Variants in SRPK2 observed in about 807,000 individuals in gnomAD.
The protein encoded by SRPK2 is SRSF protein kinase 2, also known as SFRS protein kinase 2.
A neutral mutation model predicts 90.8 loss-of-function variants in SRPK2; 21 were observed. That is an observed-to-expected ratio of 0.23 (90% confidence interval 0.16 to 0.33). SRPK2 has a LOEUF of 0.33. SRPK2 is among the 10% of genes least tolerant of loss of function. The pLI, the probability that SRPK2 is intolerant of heterozygous loss-of-function variation, is 1.00. For synonymous variants in SRPK2, 288 were observed against 311.1 expected, an observed-to-expected ratio of 0.93 and a Z score of 0.78; for missense variants, 620 against 869.0, an observed-to-expected ratio of 0.71 and a Z score of 3.60.
Position 105,333,751 on chromosome 7 carries a change from C to T in SRPK2, c.71+54897G>A, listed in dbSNP as rs146055916. On this transcript the variant is annotated intron_variant, in intron 2 of 15. Transcript: ENST00000393651. ...TGAGCTTTTGGAAAATGTTTATAAA[C>T]AGTATCATGCTTTATGTACCATTTA... is the stretch of plus-strand genomic sequence containing the variant. Among the ~76,000 whole-genome samples the T allele has an allele frequency of 4.3e-3, 659 of 152,216 alleles. 5 individuals carry two copies. Among genetic ancestry groups the T allele is most frequent in the African/African-American group, 0.015 (628 of 41,536 alleles).
rs1169339892 is a variant in SRPK2, at chr7:105,281,114, G to C, written c.72-77329C>G. Among the ~76,000 whole-genome samples, 4 of 148,724 alleles carry C rather than the reference G, an allele frequency of 2.7e-5. 1 individual carries two copies. Among genetic ancestry groups the C allele is most frequent in the East Asian group, 2.0e-4 (1 of 4,990 alleles). On this transcript the variant is annotated intron_variant, in intron 2 of 15. Transcript: ENST00000393651. Reference sequence around the variant, plus strand: ...GTTTGGTTTTTCCCCCGCTTTTTCTGAGACAGGAGTCTCTCTAGGTCGCCC... The same window carrying C: ...GTTTGGTTTTTCCCCCGCTTTTTCTCAGACAGGAGTCTCTCTAGGTCGCCC...
At chr7:105,180,303 C>G (rs910296734) in intron 3 of SRPK2, among the ~76,000 whole-genome samples, 2 of 152,136 alleles carry the variant, frequency 1.3e-5, no homozygotes, top group Non-Finnish European at 2.9e-5. Context: ...TTTGACAAAG[C>G]TGACAGAAAC....
intron 2 of SRPK2, among the ~76,000 whole-genome samples, chr7:105,316,165 C>G (rs996559960): frequency 1.9e-4 from 29 of 151,910 alleles, no homozygotes; most frequent in African/African-American, 7.0e-4. Flanking sequence ...GCTGGGATTA[C>G]GGGCACCCGC....
intron 2 of SRPK2, among the ~76,000 whole-genome samples, chr7:105,333,959 G>C (rs1176781440): frequency 6.6e-6 from 1 of 152,136 alleles, no homozygotes; most frequent in Non-Finnish European, 1.5e-5. Flanking sequence ...TTTCGCTCTT[G>C]TTGCCCAGGC....
At chr7:105,153,512 G>C (rs114077253) in intron 7 of SRPK2, among the ~76,000 whole-genome samples, 1 of 152,040 alleles carries the variant, frequency 6.6e-6, no homozygotes, top group African/African-American at 2.4e-5. Context: ...TAGATAAGTC[G>C]GGGAACAGTC....
At chr7:105,319,420 A>G (rs1034398179) in intron 2 of SRPK2, among the ~76,000 whole-genome samples, 5 of 147,270 alleles carry the variant, frequency 3.4e-5, no homozygotes, top group African/African-American at 1.3e-4. Flanking sequence ...ACATTCTTGA[A>G]AGCTTACTTA....
chr7:105,272,910 A>G (rs766907281), intron 2 of SRPK2, among the ~76,000 whole-genome samples: 5 of 151,696 alleles, frequency 3.3e-5, no homozygotes, highest in African/African-American at 7.3e-5. Flanking sequence ...AGTTCCCCCA[A>G]TCTCATTTGA....
chr7:105,276,518 G>A (rs890125703), intron 2 of SRPK2, among the ~76,000 whole-genome samples: 4 of 151,418 alleles, frequency 2.6e-5, no homozygotes, highest in Non-Finnish European at 5.9e-5. Context: ...CAGAAGGACC[G>A]CTTAAGCCCA....
chr7:105,255,330 T>C (rs1356458858), intron 2 of SRPK2, among the ~76,000 whole-genome samples: 1 of 151,884 alleles, frequency 6.6e-6, no homozygotes, highest in Non-Finnish European at 1.5e-5. Flanking sequence ...TATCTGCGTG[T>C]GCATCTGACT....
chr7:105,386,724 A>G (rs778817565), intron 2 of SRPK2, among the ~76,000 whole-genome samples: 4 of 152,214 alleles, frequency 2.6e-5, no homozygotes, highest in Non-Finnish European at 5.9e-5. Context: ...CCTCAAAAAA[A>G]TTATTAAATA....
intron 3 of SRPK2, among the ~76,000 whole-genome samples, chr7:105,193,325 C>T (rs1462974202): frequency 3.9e-5 from 6 of 152,080 alleles, no homozygotes. Flanking sequence ...TTTGCTTTGT[C>T]AAAGATCAGT....
intron 3 of SRPK2, among the ~76,000 whole-genome samples, chr7:105,194,349 A>G (rs1794658639): frequency 6.6e-6 from 1 of 152,228 alleles, no homozygotes; most frequent in Admixed American, 6.5e-5. Flanking sequence ...AACCTCATGC[A>G]TAAAAGAATG....
At chr7:105,331,324 A>ACAAAAC (rs1322036718) in intron 2 of SRPK2, among the ~76,000 whole-genome samples, 4 of 131,554 alleles carry the variant, frequency 3.0e-5, no homozygotes, top group African/African-American at 1.1e-4. Flanking sequence ...AAAAAAAAAA[A>ACAAAAC]AAAAAAAAAA....
At chr7:105,257,428 C>A (rs2129638179) in intron 2 of SRPK2, among the ~76,000 whole-genome samples, 1 of 152,354 alleles carries the variant, frequency 6.6e-6, no homozygotes, top group East Asian at 1.9e-4. Flanking sequence ...GGAAGTGCCA[C>A]TGCTGACATG....
intron 2 of SRPK2, among the ~76,000 whole-genome samples, chr7:105,229,869 A>G (rs1286270413): frequency 6.6e-6 from 1 of 152,236 alleles, no homozygotes. Flanking sequence ...CCAGGGATCT[A>G]GTCCAGGAAT....
intron 11 of SRPK2, among the ~76,000 whole-genome samples, chr7:105,140,895 A>T (rs1170058235): frequency 6.6e-6 from 1 of 151,900 alleles, no homozygotes; most frequent in African/African-American, 2.4e-5. Context: ...CGGGAGGCAG[A>T]GGTTGCAGTG....
intron 15 of SRPK2, among the ~76,000 whole-genome samples, chr7:105,120,000 G>A (rs989288582): frequency 6.6e-6 from 1 of 152,138 alleles, no homozygotes; most frequent in Non-Finnish European, 1.5e-5. Context: ...ATAATCACAA[G>A]ATTATTAAAA....
intron 2 of SRPK2, among the ~76,000 whole-genome samples, chr7:105,365,447 T>C (rs778635139): frequency 1.4e-4 from 21 of 146,466 alleles, no homozygotes; most frequent in Non-Finnish European, 2.2e-4. Context: ...GATTGCACCA[T>C]TGCATTTCCA....
At chr7:105,276,084 A>T (rs77379627) in intron 2 of SRPK2, among the ~76,000 whole-genome samples, 380 of 86,340 alleles carry the variant, frequency 4.4e-3, no homozygotes, top group Middle Eastern at 0.013. Context: ...ATATATATAT[A>T]TTTTTTTTTT....
Sources: allele counts gnomAD v4.1 joint callset (sites outside exome capture counted in the v4.1 genomes callset), GRCh38; gene constraint gnomAD v4.1.1; transcripts MANE v1.5; gene names NCBI Gene and HGNC (gene_info 2026-07-23, HGNC 2026-07-21).